Variants in ZNF217 observed in about 807,000 individuals in gnomAD.
ZNF217 encodes the protein zinc finger protein 217.
In ZNF217, 12 loss-of-function variants were observed where a neutral mutation model predicts 73.3. That is an observed-to-expected ratio of 0.16 (90% CI 0.10 to 0.27). The LOEUF (loss-of-function observed/expected upper bound fraction) is 0.27, where lower values mean the gene tolerates loss of function less well. ZNF217 is among the 10% of genes least tolerant of loss of function. The pLI is 1.00. For missense variants in ZNF217, 1,195 were observed against 1,327.8 expected, an observed-to-expected ratio of 0.90 and a Z score of 1.55; for synonymous variants, 588 against 516.4, an observed-to-expected ratio of 1.14 and a Z score of -1.88.
chr20:53,593,906 T>C (rs1247582644), upstream of ZNF217: 20 of 147,424 alleles, frequency 1.4e-4, no homozygotes, highest in Non-Finnish European at 2.7e-4. Context: ...CGTCGCGGAG[T>C]TTCTCTCAGC....
chr20:53,583,175 GA>G lies in ZNF217; in HGVS notation c.-342-8del. 2 of 409,298 alleles carry G rather than the reference GA, an allele frequency of 4.9e-6. No homozygotes were observed. The highest frequency in any genetic ancestry group is 8.6e-6 in the Non-Finnish European group (2 of 232,100). The allele number at this position is 409,298 out of a possible 1,614,324, so 25.4% of individuals were successfully genotyped here. A position where few individuals can be genotyped will look rare whatever the true frequency, so the allele number is the denominator to read the frequency against. Reference sequence around the variant, plus strand: ...GACAAGGGATTTCCAAACCCTAGAGGAAAAAAAACAGAAACGGTTAGCTACA... The same window carrying G: ...GACAAGGGATTTCCAAACCCTAGAGGAAAAAAACAGAAACGGTTAGCTACA... On this transcript the variant is annotated splice_region_variant and splice_polypyrimidine_tract_variant and intron_variant, in intron 1 of 5. Coordinates refer to ENST00000371471, the MANE Select transcript of ZNF217 (RefSeq NM_006526.3).
chr20:53,576,641 G>C lies in ZNF217; in HGVS notation c.2123C>G (p.Pro708Arg). 6.2e-7 allele frequency: 1 copy of C among 1,614,176 alleles called. No individual in the cohort carries two copies. Among genetic ancestry groups the C allele is most frequent in the Non-Finnish European group, 8.5e-7 (1 of 1,180,038 alleles). Residue 708 changes from proline to arginine, a missense_variant, in exon 4 of 6, where the codon CCA becomes CGA. By Grantham distance (103) the Pro-to-Arg change is moderately radical. Around this residue, in one of 9 missense-constraint regions of ZNF217, gnomAD observed 649 missense variants for 642.8 expected, o/e 1.01. Transcript: ENST00000371471. Reference protein sequence around the residue: ...PAISLSKSLIPSITCPFCTFK... With the variant: ...PAISLSKSLIRSITCPFCTFK... The stretch of plus-strand genomic sequence containing the variant: ...GGTACAAAATGGACAGGTGATACTT[G>C]GAATCAAACTTTTACTCAAAGAAAT...
rs185803616 is a variant in ZNF217, at chr20:53,573,376, C to T, written c.3038-1523G>A. Among the ~76,000 whole-genome samples, 16 of 152,300 alleles carry T rather than the reference C, an allele frequency of 1.1e-4. No individual in the cohort carries two copies. The East Asian group carries it at 3.1e-3, about 29-fold the overall frequency. On this transcript the variant is annotated intron_variant, in intron 4 of 5. Coordinates refer to ENST00000371471, the MANE Select transcript of ZNF217 (RefSeq NM_006526.3). ...CTGGGATTACAGGCGTGAGCCACCG[C>T]AACTGGCCTTGTAGTACTATTAATT...
chr20:53,573,530 C>T (rs1185903873), intron 4 of ZNF217, among the ~76,000 whole-genome samples: 1 of 152,196 alleles, frequency 6.6e-6, no homozygotes, highest in Admixed American at 6.5e-5. Context: ...TCTAGACTTA[C>T]TCACTGCAAT....
upstream of ZNF217, among the ~76,000 whole-genome samples, chr20:53,597,439 G>A (rs1982412759): frequency 6.6e-6 from 1 of 152,138 alleles, no homozygotes; most frequent in African/African-American, 2.4e-5. Flanking sequence ...AGGAAACAGG[G>A]ACAGCCCTTT....
chr20:53,596,268 T>A (rs1321687697), upstream of ZNF217, among the ~76,000 whole-genome samples: 1 of 152,072 alleles, frequency 6.6e-6, no homozygotes, highest in African/African-American at 2.4e-5. Context: ...CGCCTTATTA[T>A]GTTGTAGCTT....
At chr20:53,575,356 T>C (rs987434799) in intron 4 of ZNF217, 1 of 175,774 alleles carries the variant, frequency 5.7e-6, no homozygotes, top group Non-Finnish European at 1.2e-5. Flanking sequence ...ACATATAGTC[T>C]CAGCTACCTG....
At chr20:53,570,541 T>A (rs1987949728) in intron 5 of ZNF217, 1 of 152,648 alleles carries the variant, frequency 6.6e-6, no homozygotes, top group Non-Finnish European at 1.5e-5. Context: ...TATTGTTGAA[T>A]GAGTCATAGT....
rs766672477 is a variant in ZNF217 at position 53,569,082 on chromosome 20, A to G, written c.*206T>C. On this transcript the variant is annotated 3_prime_UTR_variant, in exon 6 of 6. Transcript: ENST00000371471. ...GTTCCAACTGTTCCAACTAGTTTGT[A>G]TTGCTATTTGGTACAAAAGTTAACA... 8.1e-7 allele frequency: 1 copy of G among 1,238,734 alleles called. No homozygotes were observed. The highest frequency in any genetic ancestry group is 1.4e-5 in the South Asian group (1 of 69,698). The allele number at this position is 1,238,734 out of a possible 1,614,324, so 76.7% of individuals were successfully genotyped here. A position where few individuals can be genotyped will look rare whatever the true frequency, so the allele number is the denominator to read the frequency against.
chr20:53,581,987 C>T lies in ZNF217; in HGVS notation c.840G>A (p.Gly280=). 1.2e-6 allele frequency: 2 copies of T among 1,614,226 alleles called. No individual in the cohort carries two copies. The highest frequency in any genetic ancestry group is 1.7e-6 in the Non-Finnish European group (2 of 1,180,050). The change falls in exon 2 of 6, where the codon GGG becomes GGA. Residue 280 remains glycine (G), a synonymous_variant. Transcript: ENST00000371471. This position sits in a 1 kb window ranked among gnomAD's most constrained non-coding sequence, Gnocchi z 4.9. ...GAGGGATGCATCTGACAGGCTTCTT[C>T]CCCGTTTCAGGGTGAGATTTTGGTC... ...NLRPKSHPET[G]KKPVRCIPQL...
At chr20:53,573,660 T>C (rs370144977) in intron 4 of ZNF217, among the ~76,000 whole-genome samples, 31 of 152,298 alleles carry the variant, frequency 2.0e-4, no homozygotes, top group African/African-American at 6.7e-4. Flanking sequence ...GGTTTCACCA[T>C]GTTGACCAGT....
intron 1 of ZNF217, among the ~76,000 whole-genome samples, chr20:53,588,570 GA>G (rs1286813623): frequency 6.7e-6 from 1 of 148,474 alleles, no homozygotes; most frequent in African/African-American, 2.5e-5. Context: ...TGAAAACACT[GA>G]ACGTGTGTAT....
chr20:53,576,508 T>A lies in ZNF217; in HGVS notation c.2256A>T (p.Arg752=). Residue 752 remains arginine (R), a synonymous_variant, in exon 4 of 6, where the codon CGA becomes CGT. Coordinates refer to ENST00000371471, the MANE Select transcript of ZNF217 (RefSeq NM_006526.3). ...GCAACGCTGGCGGGCATCCGGTACG[T>A]CGACTTCTAAGCAAGGACTTGTTTC... ...NCRNKSLLRS[R]RTGCPPALLG... The A allele has an allele frequency of 1.9e-6, 3 of 1,614,240 alleles. No individual in the cohort carries two copies. Among genetic ancestry groups the A allele is most frequent in the Non-Finnish European group, 2.5e-6 (3 of 1,180,034 alleles).
At chr20:53,596,503 G>A (rs1268410786), upstream of ZNF217, among the ~76,000 whole-genome samples, 2 of 152,088 alleles carry the variant, frequency 1.3e-5, no homozygotes, top group Non-Finnish European at 2.9e-5. Context: ...CGCCTGGGAG[G>A]GCTTTTCCCT....
chr20:53,586,638 A>C (rs776759085), intron 1 of ZNF217, among the ~76,000 whole-genome samples: 20 of 152,232 alleles, frequency 1.3e-4, no homozygotes, highest in Non-Finnish European at 5.9e-5. Flanking sequence ...TAATACTTTA[A>C]ACCAGGTTTA....
intron 1 of ZNF217, among the ~76,000 whole-genome samples, chr20:53,586,031 C>T (rs200915771): frequency 1.3e-5 from 2 of 152,158 alleles, no homozygotes; most frequent in African/African-American, 2.4e-5. Context: ...CCCTACCCCC[C>T]CAAAGTATTG....
Position 53,571,770 on chromosome 20 carries a change from A to G in ZNF217, c.3121T>C (p.Tyr1041His). 1 of 1,612,938 alleles carries G rather than the reference A, an allele frequency of 6.2e-7. No homozygotes were observed. The highest frequency in any genetic ancestry group is 8.5e-7 in the Non-Finnish European group (1 of 1,179,622). ...CAAGTTTTTTTGTCATTTGGTCGAT[A>G]ATGTGCATTCCCAATAAAATTCTCA... ...NYENFIGNAH[Y>H]RPNDKKT The change falls in exon 5 of 6, where the codon TAT becomes CAT. Residue 1041 changes from tyrosine (Y) to histidine (H), a missense_variant. Tyr to His is a moderately conservative substitution (Grantham distance 83). Transcript: ENST00000371471.
chr20:53,578,574 A>T (rs1298490813), intron 2 of ZNF217, 124 bp from the exon 3 acceptor site: 1 of 604,886 alleles, frequency 1.7e-6, no homozygotes, highest in African/African-American at 1.9e-5. Flanking sequence ...TTTATATAAC[A>T]TCGGGTTAGA....
In ZNF217 at chr20:53,582,942, T is replaced by C; in HGVS notation, c.-116A>G. 5.2e-6 allele frequency: 6 copies of C among 1,152,630 alleles called. No homozygotes were observed. In the South Asian group the frequency reaches 7.8e-5, roughly 15 times the overall value. The allele number at this position is 1,152,630 out of a possible 1,614,324, so 71.4% of individuals were successfully genotyped here. A position where few individuals can be genotyped will look rare whatever the true frequency, so the allele number is the denominator to read the frequency against. The stretch of plus-strand genomic sequence containing the variant: ...CAAAAACCAGAGCAAATATTTATTA[T>C]AAAAGTTCAAAAGAAAGTGTATAGT... On this transcript the variant is annotated 5_prime_UTR_variant, in exon 2 of 6. Transcript: ENST00000371471. This position sits in a 1 kb window ranked among gnomAD's most constrained non-coding sequence, Gnocchi z 4.8.
Sources: allele counts gnomAD v4.1 joint callset (sites outside exome capture counted in the v4.1 genomes callset), GRCh38; gene constraint gnomAD v4.1.1; regional missense constraint gnomAD v4.1.1; non-coding constraint Gnocchi (gnomAD v3.1); transcripts MANE v1.5; gene names NCBI Gene and HGNC (gene_info 2026-07-23, HGNC 2026-07-21).